The following CACNB4 variants were observed in gnomAD, a reference collection of about 807,000 sequenced individuals.
CACNB4 encodes calcium voltage-gated channel auxiliary subunit beta 4.
Under a neutral mutation model 71.2 loss-of-function variants are expected in CACNB4, and 32 were observed. The ratio of observed to expected loss-of-function variants is 0.45; its 90% CI spans 0.34 to 0.60. The LOEUF is 0.60. Among genes scored for constraint, CACNB4 ranks in the 20% least tolerant of loss-of-function variants. The probability of loss-of-function intolerance (pLI) is 0.01; values close to 1 mark genes in which losing one functional copy is unlikely to be tolerated. For missense variants in CACNB4, 464 were observed against 647.9 expected (o/e 0.72, Z 3.08); for synonymous variants, 231 against 236.9 (o/e 0.97, Z 0.23).
chr2:151,855,330 G>T lies in CACNB4; in HGVS notation c.914C>A (p.Ser305Tyr). 6.2e-7 allele frequency: 1 copy of T among 1,600,850 alleles called. No homozygotes were observed. The highest frequency in any genetic ancestry group is 8.6e-7 in the Non-Finnish European group (1 of 1,169,282). Residue 305 changes from serine to tyrosine, a missense_variant, in exon 11 of 14, where the codon TCT (serine) becomes TAT (tyrosine). Transcript: ENST00000539935. ...EIERIFELAR[S>Y]LQLVVLDADT... ...TGCATCAAGAACAACCAGTTGCAAA[G>T]ATCTTGCCAACTCAAAGATTCTTTC... is the stretch of plus-strand genomic sequence containing the variant.
At chr2:151,959,945 C>G (rs1405439363) in intron 2 of CACNB4, among the ~76,000 whole-genome samples, 1 of 152,144 alleles carries the variant, frequency 6.6e-6, no homozygotes, top group East Asian at 1.9e-4. Context: ...GAAAAGCACC[C>G]ATAACAAATG....
chr2:151,906,887 C>T (rs1261644100), intron 2 of CACNB4, among the ~76,000 whole-genome samples: 22 of 152,166 alleles, frequency 1.4e-4, no homozygotes, highest in Non-Finnish European at 1.5e-5. Context: ...AAGGCGGAGG[C>T]ATGTCACCTT....
intron 2 of CACNB4, among the ~76,000 whole-genome samples, chr2:152,036,113 A>C (rs981485953): frequency 6.6e-6 from 1 of 152,168 alleles, no homozygotes; most frequent in Non-Finnish European, 1.5e-5. Flanking sequence ...AAGCAGTAAA[A>C]CTCTTAGAAG....
intron 2 of CACNB4, among the ~76,000 whole-genome samples, chr2:152,044,223 T>A (rs9917162): frequency 0.2 from 31,090 of 152,134 alleles, 4,412 homozygotes; most frequent in East Asian, 0.73. Context: ...TATTTTTATT[T>A]TTATTTTATT....
chr2:151,871,588 G>C (rs910004651), intron 6 of CACNB4: 1 of 152,366 alleles, frequency 6.6e-6, no homozygotes. Context: ...TCAGAAACCT[G>C]GTTTGGTTCA....
intron 2 of CACNB4, among the ~76,000 whole-genome samples, chr2:151,949,919 G>A (rs1299152270): frequency 5.9e-5 from 9 of 152,036 alleles, no homozygotes; most frequent in East Asian, 1.9e-4. Flanking sequence ...ATGGTGGCAC[G>A]CGCCTGTAGC....
At chr2:152,068,843 A>G (rs1475579134) in intron 2 of CACNB4, among the ~76,000 whole-genome samples, 1 of 152,212 alleles carries the variant, frequency 6.6e-6, no homozygotes, top group Non-Finnish European at 1.5e-5. Flanking sequence ...TGAACTGATG[A>G]AAGAGATGTT....
chr2:152,022,194 T>C (rs568118664), intron 2 of CACNB4, among the ~76,000 whole-genome samples: 1 of 152,304 alleles, frequency 6.6e-6, no homozygotes, highest in Admixed American at 6.5e-5. Context: ...TTCAACCAAA[T>C]ATACACCACT....
intron 2 of CACNB4, among the ~76,000 whole-genome samples, chr2:152,052,877 G>A (rs1278326742): frequency 6.6e-6 from 1 of 152,024 alleles, no homozygotes; most frequent in Non-Finnish European, 1.5e-5. Flanking sequence ...AGCTACTTGG[G>A]AGGCTGAGGC....
At chr2:151,883,134 A>G in intron 3 of CACNB4, 117 bp downstream of exon 3, 1 of 1,058,450 alleles carries the variant, frequency 9.4e-7, no homozygotes, top group Non-Finnish European at 1.4e-6. Context: ...CCCAATCTGG[A>G]GCCTTGTTAG....
At chr2:152,087,316 C>A (rs1168466580) in intron 2 of CACNB4, among the ~76,000 whole-genome samples, 1 of 151,120 alleles carries the variant, frequency 6.6e-6, no homozygotes, top group Non-Finnish European at 1.5e-5. Context: ...CCTGTAATCC[C>A]AGCTACTTGG....
At chr2:151,886,257 G>T (rs1038531220) in intron 2 of CACNB4, among the ~76,000 whole-genome samples, 2 of 152,194 alleles carry the variant, frequency 1.3e-5, no homozygotes, top group African/African-American at 4.8e-5. Context: ...ACTGTGGTAC[G>T]TAAGTCAGGA....
chr2:152,094,785 T>C lies in CACNB4; in HGVS notation c.147+3545A>G, dbSNP rs1688178215. Reference sequence around the variant, plus strand: ...TAGGCACATAGCAAATACTTAAGTGTTTCCTAAAACTTTAAAATATGACTA... The same window carrying C: ...TAGGCACATAGCAAATACTTAAGTGCTTCCTAAAACTTTAAAATATGACTA... On this transcript the variant is annotated intron_variant, in intron 2 of 13. Transcript: ENST00000539935. Among the ~76,000 whole-genome samples the C allele has an allele frequency of 2.0e-5, 3 of 152,190 alleles. No individual in the cohort carries two copies. In the South Asian group the frequency reaches 6.2e-4, roughly 32 times the overall value.
intron 2 of CACNB4, among the ~76,000 whole-genome samples, chr2:152,076,617 A>C (rs1687043258): frequency 6.6e-6 from 1 of 152,150 alleles, no homozygotes; most frequent in African/African-American, 2.4e-5. Flanking sequence ...CCTTCTTTTC[A>C]GGCACACGTA....
intron 2 of CACNB4, among the ~76,000 whole-genome samples, chr2:151,944,342 G>A (rs1202964934): frequency 1.3e-5 from 2 of 152,000 alleles, no homozygotes; most frequent in African/African-American, 4.8e-5. Context: ...GTCCGGCCTG[G>A]GATTGTACTT....
intron 2 of CACNB4, among the ~76,000 whole-genome samples, chr2:152,018,838 C>G (rs979821854): frequency 2.7e-5 from 4 of 150,716 alleles, no homozygotes; most frequent in African/African-American, 9.8e-5. Context: ...CACACACACA[C>G]AGACAAAGGT....
intron 3 of CACNB4, 106 bp downstream of exon 3, chr2:151,883,145 A>G: frequency 8.3e-7 from 1 of 1,205,320 alleles, no homozygotes; most frequent in Non-Finnish European, 1.2e-6. Flanking sequence ...GCCTTGTTAG[A>G]ATAATCACAA....
At chr2:151,841,818 A>T in intron 13 of CACNB4, 85 bp downstream of exon 13, 1 of 1,105,138 alleles carries the variant, frequency 9.0e-7, no homozygotes. Context: ...CAGATTAAGG[A>T]TGACTCCAGT....
intron 2 of CACNB4, among the ~76,000 whole-genome samples, chr2:152,042,184 G>T (rs554758375): frequency 6.6e-6 from 1 of 152,316 alleles, no homozygotes; most frequent in Admixed American, 6.5e-5. Flanking sequence ...TACTAAGCAT[G>T]GAGAGAAAGC....
Sources: gnomAD v4.1 joint callset for allele counts (sites outside exome capture counted in the v4.1 genomes callset) on GRCh38, gnomAD v4.1.1 for gene constraint, MANE v1.5 for transcripts, NCBI Gene and HGNC (gene_info 2026-07-23, HGNC 2026-07-21) for gene names.